Variants in KIAA0825 observed in about 807,000 individuals in gnomAD.
The protein encoded by KIAA0825 is uncharacterized protein KIAA0825.
A neutral mutation model predicts 147.6 loss-of-function variants in KIAA0825; 119 were observed. The ratio of observed to expected loss-of-function variants is 0.81; its 90% CI spans 0.69 to 0.94. The LOEUF is 0.94. Ranked by LOEUF, KIAA0825 falls within the 40% of genes least tolerant of loss-of-function variation. The probability of loss-of-function intolerance (pLI) is 0.00; values close to 1 mark genes in which losing one functional copy is unlikely to be tolerated. For synonymous variants in KIAA0825, 470 were observed against 518.1 expected, an observed-to-expected ratio of 0.91 and a Z score of 1.26; for missense variants, 1,381 against 1,472.7, an observed-to-expected ratio of 0.94 and a Z score of 1.02.
At chr5:94,381,625 A>G (rs1748425452) in intron 20 of KIAA0825, among the ~76,000 whole-genome samples, 1 of 152,218 alleles carries the variant, frequency 6.6e-6, no homozygotes, top group Non-Finnish European at 1.5e-5. Flanking sequence ...CCTAATAGAT[A>G]CTGAGGGATG....
At chr5:94,424,925 C>A (rs1754655482) in intron 14 of KIAA0825, among the ~76,000 whole-genome samples, 1 of 152,022 alleles carries the variant, frequency 6.6e-6, no homozygotes, top group Admixed American at 6.6e-5. Flanking sequence ...ATATAACCTA[C>A]CAAGATTAAT....
Position 94,524,053 on chromosome 5 carries a change from T to C in KIAA0825, c.177A>G (p.Gln59=), listed in dbSNP as rs373877675. ...TTGTTTGCAGCTGCACACCTGGACATTGTTTGTTAATTTCGGACTGTATCT... is the reference window on the plus strand; with the variant it reads ...TTGTTTGCAGCTGCACACCTGGACACTGTTTGTTAATTTCGGACTGTATCT... The part of the protein sequence containing the change: ...IKEIQSEINK[Q]CPGVQLQTTT... The change falls in exon 4 of 21, where the codon CAA becomes CAG. Residue 59 remains glutamine (Q), a synonymous_variant. Coordinates refer to ENST00000682413, the MANE Select transcript of KIAA0825 (RefSeq NM_001145678.3). The C allele has an allele frequency of 5.0e-6, 8 of 1,609,670 alleles. No homozygotes were observed. The African/African-American group carries it at 5.4e-5, about 11-fold the overall frequency.
intron 20 of KIAA0825, among the ~76,000 whole-genome samples, chr5:94,192,650 A>C (rs976171021): frequency 4.8e-4 from 73 of 152,284 alleles, no homozygotes; most frequent in African/African-American, 1.6e-3. Flanking sequence ...CGCCAGTGGC[A>C]GAATGTTTGT....
intron 4 of KIAA0825, among the ~76,000 whole-genome samples, chr5:94,522,658 G>A (rs1309963657): frequency 6.6e-6 from 1 of 151,562 alleles, no homozygotes; most frequent in East Asian, 1.9e-4. Flanking sequence ...TTTTTAGCAT[G>A]TAGAAACTTG....
chr5:94,617,204 T>A (rs1790766292), intron 1 of KIAA0825, among the ~76,000 whole-genome samples: 1 of 152,196 alleles, frequency 6.6e-6, no homozygotes, highest in Non-Finnish European at 1.5e-5. Flanking sequence ...TCACTGCCTC[T>A]AAAAACTAGT....
chr5:94,515,544 C>A (rs1767083305), intron 5 of KIAA0825, among the ~76,000 whole-genome samples: 1 of 152,060 alleles, frequency 6.6e-6, no homozygotes. Flanking sequence ...GTAATCCCAG[C>A]ACTTTGGGAG....
intron 15 of KIAA0825, among the ~76,000 whole-genome samples, chr5:94,411,990 C>A (rs1054314898): frequency 4.0e-5 from 6 of 150,826 alleles, no homozygotes; most frequent in Non-Finnish European, 1.5e-5. Flanking sequence ...AAATTATAAA[C>A]CTCACTCCAT....
At chr5:94,163,252 A>G (rs1190925660) in intron 20 of KIAA0825, among the ~76,000 whole-genome samples, 2 of 152,196 alleles carry the variant, frequency 1.3e-5, no homozygotes, top group East Asian at 3.8e-4. Context: ...TTGCTTAGCA[A>G]AGTACTTAAT....
chr5:94,428,925 T>C (rs1755272724), intron 14 of KIAA0825, among the ~76,000 whole-genome samples: 2 of 152,166 alleles, frequency 1.3e-5, no homozygotes, highest in African/African-American at 2.4e-5. Context: ...TTTGTCTGAG[T>C]GAGTTCAAAA....
intron 20 of KIAA0825, among the ~76,000 whole-genome samples, chr5:94,383,823 G>GTGTA (rs1305169873): frequency 6.7e-6 from 1 of 149,272 alleles, no homozygotes; most frequent in African/African-American, 2.5e-5. Context: ...GTGTGTGTGT[G>GTGTA]TATCTTTGTG....
At chr5:94,273,382 A>G (rs534547899) in intron 20 of KIAA0825, among the ~76,000 whole-genome samples, 5 of 152,262 alleles carry the variant, frequency 3.3e-5, no homozygotes, top group African/African-American at 1.2e-4. Flanking sequence ...CAAATAGAAT[A>G]TTTTATTTAT....
intron 20 of KIAA0825, among the ~76,000 whole-genome samples, chr5:94,256,318 G>T (rs1776253109): frequency 6.6e-6 from 1 of 152,050 alleles, no homozygotes; most frequent in African/African-American, 2.4e-5. Flanking sequence ...CTCTGGTATT[G>T]GGGTTCCTCA....
At chr5:94,392,259 C>T (rs7723629) in intron 17 of KIAA0825, among the ~76,000 whole-genome samples, 3,876 of 152,126 alleles carry the variant, frequency 0.025, 178 homozygotes, top group African/African-American at 0.089. Context: ...ACACTTGTTG[C>T]CTTTTAAAAA....
chr5:94,285,355 C>T (rs559854068), intron 20 of KIAA0825, among the ~76,000 whole-genome samples: 1 of 152,098 alleles, frequency 6.6e-6, no homozygotes, highest in East Asian at 1.9e-4. Flanking sequence ...TTAAAACATA[C>T]TCTGGATTTT....
chr5:94,178,795 A>G (rs1458899436), intron 20 of KIAA0825, among the ~76,000 whole-genome samples: 8 of 152,076 alleles, frequency 5.3e-5, no homozygotes, highest in African/African-American at 2.4e-5. Flanking sequence ...TCACCCAGTT[A>G]TCCTACTCCT....
At chr5:94,593,552 T>C (rs1198714306) in intron 1 of KIAA0825, 7 of 578,816 alleles carry the variant, frequency 1.2e-5, no homozygotes, top group East Asian at 5.6e-5. Flanking sequence ...TTGGGACCCA[T>C]TGCAGGACCT....
chr5:94,384,300 T>TAC (rs764499954), intron 20 of KIAA0825, 68 bp downstream of exon 20: 19 of 1,112,446 alleles, frequency 1.7e-5, no homozygotes, highest in Admixed American at 1.2e-4. Flanking sequence ...TGTACGTGTA[T>TAC]ACACACACAC....
At chr5:94,454,539 G>A (rs1758841332) in intron 12 of KIAA0825, among the ~76,000 whole-genome samples, 1 of 152,022 alleles carries the variant, frequency 6.6e-6, no homozygotes, top group Admixed American at 6.6e-5. Context: ...TCCTTAAATA[G>A]GCTTCAAAGT....
chr5:94,193,766 T>A (rs1448425664), intron 20 of KIAA0825, among the ~76,000 whole-genome samples: 1 of 152,182 alleles, frequency 6.6e-6, no homozygotes. Flanking sequence ...AGCTAGGAAA[T>A]GGAAGAGACT....
Sources: gnomAD v4.1 joint callset for allele counts (sites outside exome capture counted in the v4.1 genomes callset) on GRCh38, gnomAD v4.1.1 for gene constraint, MANE v1.5 for transcripts, NCBI Gene and HGNC (gene_info 2026-07-23, HGNC 2026-07-21) for gene names.